STRN: variants seen among roughly 807,000 people sequenced by gnomAD.
STRN encodes striatin.
In STRN, 53 loss-of-function variants were observed where a neutral mutation model predicts 96.3. The ratio of observed to expected loss-of-function variants is 0.55; its 90% CI spans 0.44 to 0.69. The LOEUF (loss-of-function observed/expected upper bound fraction) is 0.69. Among genes scored for constraint, STRN ranks in the 30% least tolerant of loss-of-function variants. The pLI is 0.00. For synonymous variants in STRN, 428 were observed against 355.9 expected, an observed-to-expected ratio of 1.20 and a Z score of -2.28; for missense variants, 987 against 963.9, an observed-to-expected ratio of 1.02 and a Z score of -0.32.
chr2:36,860,882 T>C (rs1668461681), intron 13 of STRN, among the ~76,000 whole-genome samples: 1 of 152,222 alleles, frequency 6.6e-6, no homozygotes, highest in Non-Finnish European at 1.5e-5. Flanking sequence ...CAGTCAAGCC[T>C]GTATTTCCAA....
intron 1 of STRN, among the ~76,000 whole-genome samples, chr2:36,941,749 C>T (rs1670850629): frequency 6.8e-6 from 1 of 146,454 alleles, no homozygotes; most frequent in African/African-American, 2.7e-5. Context: ...AGACGGGTTT[C>T]ACCATGTCAG....
intron 6 of STRN, 141 bp downstream of exon 6, chr2:36,899,382 C>A: frequency 1.3e-6 from 1 of 748,792 alleles, no homozygotes; most frequent in Non-Finnish European, 1.9e-6. Flanking sequence ...ATCAGTATTA[C>A]AAACTCTCAT....
intron 16 of STRN, 48 bp downstream of exon 16, chr2:36,850,952 A>ATTTTTT: frequency 1.6e-6 from 2 of 1,239,168 alleles, no homozygotes; most frequent in Non-Finnish European, 1.1e-6. Flanking sequence ...TGTGGTAGGG[A>ATTTTTT]TTTTTTTTTT....
intron 4 of STRN, among the ~76,000 whole-genome samples, chr2:36,903,209 A>G (rs557444582): frequency 9.2e-5 from 14 of 152,288 alleles, no homozygotes; most frequent in South Asian, 8.3e-4. Flanking sequence ...GAGTCACTCT[A>G]CAGAATTGAA....
chr2:36,857,485 G>A (rs1250913924), intron 14 of STRN, among the ~76,000 whole-genome samples: 1 of 151,736 alleles, frequency 6.6e-6, no homozygotes, highest in Non-Finnish European at 1.5e-5. Flanking sequence ...GACCAGCCTG[G>A]CCAACACAGC....
At chr2:36,954,603 A>T (rs1383698639) in intron 1 of STRN, among the ~76,000 whole-genome samples, 1 of 151,962 alleles carries the variant, frequency 6.6e-6, no homozygotes, top group East Asian at 1.9e-4. Context: ...CCCCACAAAA[A>T]AATAAAAGTA....
At chr2:36,941,716 A>ATTTTGTTTTTTT (rs1670848965) in intron 1 of STRN, among the ~76,000 whole-genome samples, 1 of 134,850 alleles carries the variant, frequency 7.4e-6, no homozygotes, top group African/African-American at 2.8e-5. Context: ...CACCCAGCTA[A>ATTTTGTTTTTTT]TTTTTTTTTT....
intron 10 of STRN, among the ~76,000 whole-genome samples, 194 bp downstream of exon 10, chr2:36,877,697 G>T (rs1195509074): frequency 6.6e-6 from 1 of 152,166 alleles, no homozygotes; most frequent in Non-Finnish European, 1.5e-5. Context: ...CGCCATGCCT[G>T]GCTAATTTTT....
At chr2:36,962,347 C>G (rs1665048776) in intron 1 of STRN, among the ~76,000 whole-genome samples, 1 of 152,144 alleles carries the variant, frequency 6.6e-6, no homozygotes, top group Admixed American at 6.5e-5. Context: ...AGGGCCTCTC[C>G]TACACCACAC....
chr2:36,872,760 A>G (rs1668795372), intron 10 of STRN, among the ~76,000 whole-genome samples: 1 of 152,218 alleles, frequency 6.6e-6, no homozygotes, highest in African/African-American at 2.4e-5. Flanking sequence ...GAGGGAACAA[A>G]AGTATCTAAT....
intron 7 of STRN, among the ~76,000 whole-genome samples, chr2:36,889,324 A>G (rs909407070): frequency 2.0e-5 from 3 of 152,182 alleles, no homozygotes; most frequent in African/African-American, 7.2e-5. Flanking sequence ...AAATCATTTT[A>G]AACAACATTT....
rs368902011 is a variant in STRN at position 36,861,116 on chromosome 2, T to C, written c.1669+16A>G. On this transcript the variant is annotated intron_variant, in intron 13 of 17. Coordinates refer to ENST00000263918, the MANE Select transcript of STRN (RefSeq NM_003162.4). ...AAACCAATTTTATTCCTTCAGATCTTTGGGAAATCACCTACCATAAGAATC... is the reference window on the plus strand; with the variant it reads ...AAACCAATTTTATTCCTTCAGATCTCTGGGAAATCACCTACCATAAGAATC... 6.2e-6 allele frequency: 10 copies of C among 1,611,662 alleles called. No homozygotes were observed. The highest frequency in any genetic ancestry group is 8.5e-6 in the Non-Finnish European group (10 of 1,179,448).
In STRN at chr2:36,931,450, A is replaced by G. The variant is rs11899812; in HGVS notation, c.235-6242T>C. 2.2e-3 allele frequency among the ~76,000 whole-genome samples: 334 copies of G among 152,356 alleles called. 1 individual carries two copies. The highest frequency in any genetic ancestry group is 0.017 in the Middle Eastern group (5 of 294). ...GACCAGCTTGTACACAAGCTGTGTT[A>G]TGTTCACAAAAACAGCTAAGAAAAG... On this transcript the variant is annotated intron_variant, in intron 1 of 17. Coordinates refer to ENST00000263918, the MANE Select transcript of STRN (RefSeq NM_003162.4).
In STRN at chr2:36,842,376, T is replaced by C. The variant is rs966907017; in HGVS notation, c.*7080A>G. On this transcript the variant is annotated 3_prime_UTR_variant, in exon 18 of 18. Coordinates refer to ENST00000263918, the MANE Select transcript of STRN (RefSeq NM_003162.4). Reference sequence around the variant, plus strand: ...TAAGAAATTATAGCACATAAATTAATAACACTATAGTACTCCAAGTGCTGT... The same window carrying C: ...TAAGAAATTATAGCACATAAATTAACAACACTATAGTACTCCAAGTGCTGT... 2 of 152,192 alleles carry C rather than the reference T, an allele frequency of 1.3e-5. No individual in the cohort carries two copies. The highest frequency in any genetic ancestry group is 4.8e-5 in the African/African-American group (2 of 41,452). 9.4% of individuals were successfully genotyped at this position (152,192 alleles called of 1,614,324 possible). A position where few individuals can be genotyped will look rare whatever the true frequency, so the allele number is the denominator to read the frequency against.
In STRN at chr2:36,932,067, A is replaced by T. The variant is rs1432520662; in HGVS notation, c.235-6859T>A. Among the ~76,000 whole-genome samples the T allele has an allele frequency of 2.0e-5, 3 of 151,954 alleles. No homozygotes were observed. The East Asian group carries it at 5.8e-4, about 29-fold the overall frequency. On this transcript the variant is annotated intron_variant, in intron 1 of 17. Transcript: ENST00000263918. ...ACTCCTAGCCTCAAGCAATCCTCTC[A>T]CCTTGGCCTCCCAAAGTGCTGGAAA...
rs1572614658 is a variant in STRN, at chr2:36,844,064, G to A, written c.*5392C>T. On this transcript the variant is annotated 3_prime_UTR_variant, in exon 18 of 18. Transcript: ENST00000263918. Reference sequence around the variant, plus strand: ...GGAATCTGAATTGATGACACCCTGTGGTCAGCTCTAGTCAACTGAACTTGA... The same window carrying A: ...GGAATCTGAATTGATGACACCCTGTAGTCAGCTCTAGTCAACTGAACTTGA... 1 of 152,092 alleles carries A rather than the reference G, an allele frequency of 6.6e-6. No individual in the cohort carries two copies. The highest frequency in any genetic ancestry group is 6.6e-5 in the Admixed American group (1 of 15,246). 9.4% of individuals were successfully genotyped at this position (152,092 alleles called of 1,614,324 possible).
At chr2:36,870,296 GA>G (rs56722317) in intron 10 of STRN, among the ~76,000 whole-genome samples, 117,847 of 139,038 alleles carry the variant, frequency 0.85, 51,172 homozygotes, top group Non-Finnish European at 0.95. Context: ...TCTCAAAAAT[GA>G]AAAAAAAAAA....
chr2:36,886,687 G>C (rs775227202), intron 8 of STRN, 29 bp downstream of exon 8: 2 of 1,544,550 alleles, frequency 1.3e-6, no homozygotes, highest in South Asian at 2.4e-5. Flanking sequence ...CAAGATTTAT[G>C]ATTTACAGAT....
At chr2:36,912,967 T>C (rs1314717642) in intron 3 of STRN, among the ~76,000 whole-genome samples, 1 of 152,202 alleles carries the variant, frequency 6.6e-6, no homozygotes, top group Non-Finnish European at 1.5e-5. Flanking sequence ...AAAATTAGAA[T>C]AATACAGAGA....
Sources: allele counts gnomAD v4.1 joint callset (sites outside exome capture counted in the v4.1 genomes callset), GRCh38; gene constraint gnomAD v4.1.1; transcripts MANE v1.5; gene names NCBI Gene and HGNC (gene_info 2026-07-23, HGNC 2026-07-21).